The following PLB1 variants were observed in gnomAD, a reference collection of about 807,000 sequenced individuals.
PLB1 encodes the protein phospholipase B1, also known as phospholipase B1, membrane-associated.
PLB1 carries 242 observed loss-of-function variants against 227.4 expected under a neutral mutation model. The observed-to-expected ratio is 1.06, with a 90% confidence interval of 0.96 to 1.18. PLB1 has a LOEUF of 1.18. Ranked by LOEUF, PLB1 falls within the 50% of genes most tolerant of loss-of-function variation. PLB1 has a pLI of 0.00. For synonymous variants in PLB1, 757 were observed against 682.2 expected (o/e 1.11, Z -1.71); for missense variants, 1,858 against 1,816.3 (o/e 1.02, Z -0.42).
chr2:28,545,538 G>A (rs920310351), intron 14 of PLB1, among the ~76,000 whole-genome samples: 35 of 152,130 alleles, frequency 2.3e-4, no homozygotes, highest in Admixed American at 2.2e-3. Flanking sequence ...TCCCACTTTC[G>A]GTGGTTTCTT....
At chr2:28,592,402 T>C (rs1375793124) in intron 31 of PLB1, among the ~76,000 whole-genome samples, 5 of 128,580 alleles carry the variant, frequency 3.9e-5, no homozygotes, top group Admixed American at 7.6e-5. Context: ...CATCTCTCCT[T>C]CTCCCTTTCC....
At chr2:28,565,506 T>C (rs1013428899) in intron 19 of PLB1, among the ~76,000 whole-genome samples, 153 bp downstream of exon 19, 5 of 152,202 alleles carry the variant, frequency 3.3e-5, no homozygotes, top group African/African-American at 1.2e-4. Flanking sequence ...AAAAAGGTAT[T>C]CACCAGCCTC....
chr2:28,508,425 A>G (rs1248256057), intron 1 of PLB1, among the ~76,000 whole-genome samples: 1 of 152,228 alleles, frequency 6.6e-6, no homozygotes. Flanking sequence ...CGCTGTGCTA[A>G]CATCCTATAC....
At chr2:28,605,525 C>G (rs1182968896) in intron 41 of PLB1, among the ~76,000 whole-genome samples, 3 of 152,038 alleles carry the variant, frequency 2.0e-5, no homozygotes, top group African/African-American at 7.3e-5. Context: ...GGCTAAGACT[C>G]TCTGCGGGAC....
At chr2:28,610,265 T>C (rs1301169550) in intron 43 of PLB1, among the ~76,000 whole-genome samples, 2 of 152,112 alleles carry the variant, frequency 1.3e-5, no homozygotes, top group South Asian at 2.1e-4. Context: ...TGTCCCCAAA[T>C]GTTCACACTT....
rs1044805941 is a variant in PLB1 at position 28,564,686 on chromosome 2, G to A, written c.1207-594G>A. On this transcript the variant is annotated intron_variant, in intron 18 of 57. Transcript: ENST00000327757. Reference sequence around the variant, plus strand: ...AGAGAGCAGGGATCACACCTGGGGGGCCTCTCATGGAGGCCAGCCTTCACC... The same window carrying A: ...AGAGAGCAGGGATCACACCTGGGGGACCTCTCATGGAGGCCAGCCTTCACC... 6.6e-5 allele frequency among the ~76,000 whole-genome samples: 10 copies of A among 152,246 alleles called. No individual in the cohort carries two copies. The East Asian group carries it at 9.7e-4, about 15-fold the overall frequency.
intron 17 of PLB1, among the ~76,000 whole-genome samples, chr2:28,556,871 G>A (rs534639201): frequency 1.3e-5 from 2 of 152,284 alleles, no homozygotes; most frequent in East Asian, 1.9e-4. Context: ...TCCTTGCTAA[G>A]TCCCTGATGT....
At position 28,573,187 on chromosome 2, in the gene PLB1, G is replaced by A. The variant is rs771015806; in HGVS notation, c.1325-10G>A. The stretch of plus-strand genomic sequence containing the variant: ...TAGTCACTAAGCGTGTCTTTTCCTT[G>A]TATTTGCAGACATCCTCCGGGAATT... On this transcript the variant is annotated splice_polypyrimidine_tract_variant and intron_variant, in intron 20 of 57. Transcript: ENST00000327757. 1.2e-6 allele frequency: 2 copies of A among 1,604,410 alleles called. No homozygotes were observed. The highest frequency in any genetic ancestry group is 2.2e-5 in the East Asian group (1 of 44,844).
chr2:28,577,287 C>T (rs1679128744), intron 21 of PLB1, among the ~76,000 whole-genome samples: 1 of 152,160 alleles, frequency 6.6e-6, no homozygotes, highest in African/African-American at 2.4e-5. Context: ...GATCTTGTCT[C>T]CATTTTGTAG....
At chr2:28,636,063 G>GT (rs1367034738) in intron 56 of PLB1, among the ~76,000 whole-genome samples, 32 of 148,474 alleles carry the variant, frequency 2.2e-4, no homozygotes, top group Admixed American at 9.6e-4. Flanking sequence ...ATGTGTGTAT[G>GT]TATGTATGTA....
chr2:28,541,686 C>G, intron 12 of PLB1, 21 bp from the exon 13 acceptor site: 1 of 1,597,622 alleles, frequency 6.3e-7, no homozygotes, highest in Non-Finnish European at 8.6e-7. Flanking sequence ...TGGATGGGCA[C>G]CTCTCTGCTC....
chr2:28,610,574 T>C lies in PLB1; in HGVS notation c.3130-3457T>C, dbSNP rs563864590. Among the ~76,000 whole-genome samples, 5 of 152,278 alleles carry C rather than the reference T, an allele frequency of 3.3e-5. No individual in the cohort carries two copies. In the South Asian group the frequency reaches 1.0e-3, roughly 32 times the overall value. ...TGAGAGTCTTCTCAGTTCCAGCCAC[T>C]CATTGCACACATGGCTGCCAACCCC... On this transcript the variant is annotated intron_variant, in intron 43 of 57. Coordinates refer to ENST00000327757, the MANE Select transcript of PLB1 (RefSeq NM_153021.5).
rs750556894 is a variant in PLB1, at chr2:28,632,046, C to T, written c.3908C>T (p.Ser1303Phe). Residue 1303 changes from serine to phenylalanine, a missense_variant, in exon 55 of 58, where the codon TCC becomes TTC. Coordinates refer to ENST00000327757, the MANE Select transcript of PLB1 (RefSeq NM_153021.5). ...TCTCTCTGTCCCCAGCATGGCATCT[C>T]CAGTTTCTCCTACTGGCACCAATAC... ...KVNWNLQHGI[S>F]SFSYWHQYTQ... 6.2e-7 allele frequency: 1 copy of T among 1,613,946 alleles called. No individual in the cohort carries two copies. Among genetic ancestry groups the T allele is most frequent in the Non-Finnish European group, 8.5e-7 (1 of 1,179,888 alleles).
intron 42 of PLB1, 138 bp from the exon 43 acceptor site, chr2:28,606,358 C>T (rs780468250): frequency 1.4e-4 from 114 of 812,448 alleles, no homozygotes; most frequent in Middle Eastern, 2.4e-4. Context: ...CGGCTGGCAA[C>T]TGGCAGAGCC....
intron 23 of PLB1, among the ~76,000 whole-genome samples, 186 bp from the exon 24 acceptor site, chr2:28,581,882 G>A (rs1680075521): frequency 6.6e-6 from 1 of 151,898 alleles, no homozygotes; most frequent in African/African-American, 2.4e-5. Flanking sequence ...GATTGCTTGA[G>A]CCCAGGAGGT....
At chr2:28,562,103 A>G (rs536028511) in intron 17 of PLB1, among the ~76,000 whole-genome samples, 2 of 152,134 alleles carry the variant, frequency 1.3e-5, no homozygotes, top group East Asian at 1.9e-4. Flanking sequence ...TGACCACTTA[A>G]TGGGTTATAG....
At chr2:28,540,020 C>G (rs1672254019) in intron 11 of PLB1, among the ~76,000 whole-genome samples, 1 of 128,802 alleles carries the variant, frequency 7.8e-6, no homozygotes, top group African/African-American at 3.0e-5. Flanking sequence ...CCCATACCTA[C>G]CCCCCAGGGA....
chr2:28,642,869 C>A lies in PLB1; in HGVS notation c.4185C>A (p.Tyr1395Ter), dbSNP rs373274049. 1.9e-6 allele frequency: 3 copies of A among 1,600,810 alleles called. No individual in the cohort carries two copies. Among genetic ancestry groups the A allele is most frequent in the Non-Finnish European group, 2.6e-6 (3 of 1,173,308 alleles). Residue 1395 changes from tyrosine to a stop codon, truncating the protein, a stop_gained, in exon 58 of 58, where the codon TAC (tyrosine) becomes TAA (stop). Transcript: ENST00000327757. LOFTEE classifies it low-confidence loss of function (END_TRUNC). ...CTCCTCCTCCACAGGAGAGCCCTTA[C>A]CTCTACACCCTGCGGAACAGCCGAT... Reference protein sequence around the residue: ...KLKCPSPESPYLYTLRNSRLL... With the variant: ...KLKCPSPESP
chr2:28,571,741 A>G (rs895356841), intron 20 of PLB1, among the ~76,000 whole-genome samples: 1 of 152,230 alleles, frequency 6.6e-6, no homozygotes, highest in Non-Finnish European at 1.5e-5. Flanking sequence ...ATAGTTACAC[A>G]CAGAAAAATG....
Sources: gnomAD v4.1 joint callset for allele counts (sites outside exome capture counted in the v4.1 genomes callset) on GRCh38, gnomAD v4.1.1 for gene constraint, MANE v1.5 for transcripts, NCBI Gene and HGNC (gene_info 2026-07-23, HGNC 2026-07-21) for gene names.